Variants in MCOLN2 observed in about 807,000 individuals in gnomAD.
MCOLN2 encodes the protein mucolipin TRP cation channel 2, also known as mucolipin-2.
Under a neutral mutation model 67.5 loss-of-function variants are expected in MCOLN2, and 57 were observed. The ratio of observed to expected loss-of-function variants is 0.84; its 90% CI spans 0.68 to 1.05. MCOLN2 has a LOEUF of 1.05. MCOLN2 is among the 50% of genes least tolerant of loss of function. The probability of loss-of-function intolerance (pLI) is 0.00; values close to 1 mark genes in which losing one functional copy is unlikely to be tolerated. For synonymous variants in MCOLN2, 246 were observed against 233.3 expected (o/e 1.05, Z -0.50); for missense variants, 620 against 678.8 (o/e 0.91, Z 0.96).
chr1:84,929,031 C>T (rs942478150), intron 13 of MCOLN2, among the ~76,000 whole-genome samples: 12 of 152,198 alleles, frequency 7.9e-5, no homozygotes, highest in Admixed American at 2.0e-4. Flanking sequence ...GCTTTGTCCA[C>T]TGAGGTCTAG....
At chr1:84,987,553 C>T (rs540973827) in intron 1 of MCOLN2, among the ~76,000 whole-genome samples, 17 of 67,064 alleles carry the variant, frequency 2.5e-4, no homozygotes, top group Admixed American at 5.2e-4. Flanking sequence ...TAGATGTATA[C>T]ATCTATGTAT....
At chr1:84,957,179 A>G (rs1648839480) in intron 3 of MCOLN2, among the ~76,000 whole-genome samples, 1 of 152,166 alleles carries the variant, frequency 6.6e-6, no homozygotes, top group Admixed American at 6.5e-5. Flanking sequence ...ACAAACATCC[A>G]TCACTGCACC....
At chr1:84,985,525 C>T (rs1275181070) in intron 1 of MCOLN2, among the ~76,000 whole-genome samples, 1 of 152,138 alleles carries the variant, frequency 6.6e-6, no homozygotes, top group Non-Finnish European at 1.5e-5. Flanking sequence ...TTATCCAACC[C>T]TTTTTATGAA....
Position 84,959,574 on chromosome 1 carries a change from C to T in MCOLN2, c.238-872G>A, listed in dbSNP as rs967038850. 1.3e-5 allele frequency among the ~76,000 whole-genome samples: 2 copies of T among 152,152 alleles called. 1 individual carries two copies. Among genetic ancestry groups the T allele is most frequent in the Middle Eastern group, 6.3e-3 (2 of 316 alleles). ...ACACGCACTCTCACACGCACATTCA[C>T]ACTCTCTCACGTGCGTCCTCTCTGT... On this transcript the variant is annotated intron_variant, in intron 2 of 13. Transcript: ENST00000370608.
At chr1:84,943,337 G>T (rs1460157299) in intron 7 of MCOLN2, among the ~76,000 whole-genome samples, 1 of 152,152 alleles carries the variant, frequency 6.6e-6, no homozygotes, top group Non-Finnish European at 1.5e-5. Flanking sequence ...GACAAGAGAA[G>T]ACTATTCAGT....
intron 1 of MCOLN2, among the ~76,000 whole-genome samples, chr1:84,969,096 C>T (rs1000816300): frequency 2.6e-5 from 4 of 152,148 alleles, no homozygotes; most frequent in Non-Finnish European, 4.4e-5. Context: ...CCGGGGAGGG[C>T]ACGGAAGCTC....
intron 1 of MCOLN2, among the ~76,000 whole-genome samples, chr1:84,976,085 G>C (rs969111422): frequency 2.0e-5 from 3 of 151,990 alleles, no homozygotes; most frequent in African/African-American, 7.3e-5. Context: ...GCCTTAAGAA[G>C]GAGGAAGAAA....
chr1:84,962,572 T>C (rs1426714380), intron 2 of MCOLN2, among the ~76,000 whole-genome samples: 1 of 152,002 alleles, frequency 6.6e-6, no homozygotes, highest in Non-Finnish European at 1.5e-5. Context: ...AAATTAGTCA[T>C]GTAGACAGGA....
chr1:84,937,701 C>G (rs952385843), intron 11 of MCOLN2, 54 bp downstream of exon 11: 4 of 1,601,740 alleles, frequency 2.5e-6, no homozygotes, highest in Non-Finnish European at 3.4e-6. Context: ...TAGAAACCCA[C>G]GTTCAAGGGT....
At chr1:84,994,456 C>T (rs186253585) in intron 1 of MCOLN2, among the ~76,000 whole-genome samples, 165 of 152,338 alleles carry the variant, frequency 1.1e-3, no homozygotes, top group Non-Finnish European at 1.1e-3. Context: ...CATCAATGAT[C>T]TTAGCTACAT....
intron 13 of MCOLN2, 102 bp from the exon 14 acceptor site, chr1:84,926,823 C>A: frequency 2.6e-6 from 2 of 765,282 alleles, no homozygotes; most frequent in East Asian, 3.0e-5. Flanking sequence ...AGATTATAGA[C>A]ATGTTGAGTG....
At chr1:84,975,103 T>C (rs1649929763) in intron 1 of MCOLN2, among the ~76,000 whole-genome samples, 1 of 152,184 alleles carries the variant, frequency 6.6e-6, no homozygotes, top group Non-Finnish European at 1.5e-5. Flanking sequence ...AGGAGGGTCC[T>C]GGGGGAGCTC....
Position 84,958,573 on chromosome 1 carries a change from T to C in MCOLN2, c.367A>G (p.Thr123Ala), listed in dbSNP as rs1648911247. The C allele has an allele frequency of 6.2e-7, 1 of 1,608,916 alleles. No homozygotes were observed. The highest frequency in any genetic ancestry group is 1.1e-5 in the South Asian group (1 of 89,496). Residue 123 changes from threonine (T) to alanine (A), a missense_variant, in exon 3 of 14, where the codon ACT becomes GCT. Transcript: ENST00000370608. ...ATGCTCTCATAGGCATCCTCTTGAGTATATACACTGCAGCTGTAGTCATCT... is the reference window on the plus strand; with the variant it reads ...ATGCTCTCATAGGCATCCTCTTGAGCATATACACTGCAGCTGTAGTCATCT... ...DEDDYSCSVYTQEDAYESIFF... is the reference protein window; with the variant it reads ...DEDDYSCSVYAQEDAYESIFF...
At chr1:84,957,382 G>A (rs1434931552) in intron 3 of MCOLN2, among the ~76,000 whole-genome samples, 20 of 152,150 alleles carry the variant, frequency 1.3e-4, no homozygotes. Context: ...TACTAGCTCT[G>A]TCTTCATTAA....
intron 2 of MCOLN2, 131 bp downstream of exon 2, chr1:84,965,418 A>G: frequency 1.1e-6 from 1 of 917,634 alleles, no homozygotes; most frequent in Non-Finnish European, 1.6e-6. Flanking sequence ...TCTGCTCTCC[A>G]GAGTCAATAT....
intron 8 of MCOLN2, among the ~76,000 whole-genome samples, chr1:84,940,528 G>T (rs1255952682): frequency 6.6e-6 from 1 of 152,184 alleles, no homozygotes; most frequent in Admixed American, 6.5e-5. Flanking sequence ...GAAGACAAAA[G>T]ATGAAACCCA....
At chr1:84,943,507 C>T (rs887841886) in intron 7 of MCOLN2, among the ~76,000 whole-genome samples, 6 of 152,082 alleles carry the variant, frequency 3.9e-5, no homozygotes, top group South Asian at 4.2e-4. Flanking sequence ...CAGGGACAGG[C>T]GACCCTCAGA....
chr1:84,976,913 C>T (rs190627466), intron 1 of MCOLN2, among the ~76,000 whole-genome samples: 1 of 152,304 alleles, frequency 6.6e-6, no homozygotes, highest in African/African-American at 2.4e-5. Context: ...ACAAAACTCA[C>T]TGGTATCAGA....
At chr1:84,942,930 T>C (rs1225809371) in intron 7 of MCOLN2, among the ~76,000 whole-genome samples, 5 of 152,044 alleles carry the variant, frequency 3.3e-5, no homozygotes, top group African/African-American at 9.7e-5. Context: ...TCACCAGAAG[T>C]GGGGCTCCGA....
Sources: gnomAD v4.1 joint callset for allele counts (sites outside exome capture counted in the v4.1 genomes callset) on GRCh38, gnomAD v4.1.1 for gene constraint, MANE v1.5 for transcripts, NCBI Gene and HGNC (gene_info 2026-07-23, HGNC 2026-07-21) for gene names.